Variants in KCNIP4 observed in about 807,000 individuals in gnomAD.
The protein encoded by KCNIP4 is Kv channel-interacting protein 4.
In KCNIP4, 12 loss-of-function variants were observed where a neutral mutation model predicts 34.0. That is an observed-to-expected ratio of 0.35 (90% CI 0.23 to 0.57). The LOEUF (loss-of-function observed/expected upper bound fraction) is 0.57, where lower values mean the gene tolerates loss of function less well. Among genes scored for constraint, KCNIP4 ranks in the 20% least tolerant of loss-of-function variants. The probability of loss-of-function intolerance (pLI) is 0.83; values close to 1 mark genes in which losing one functional copy is unlikely to be tolerated. For synonymous variants in KCNIP4, 124 were observed against 102.2 expected, an observed-to-expected ratio of 1.21 and a Z score of -1.29; for missense variants, 238 against 311.7, an observed-to-expected ratio of 0.76 and a Z score of 1.78.
At chr4:21,906,634 C>A (rs1728017297) in intron 1 of KCNIP4, among the ~76,000 whole-genome samples, 1 of 152,174 alleles carries the variant, frequency 6.6e-6, no homozygotes, top group Non-Finnish European at 1.5e-5. Context: ...GGTCCCAGGA[C>A]ATTAATACTC....
At chr4:20,956,414 AGAAT>A (rs1340105180) in intron 1 of KCNIP4, among the ~76,000 whole-genome samples, 4 of 151,936 alleles carry the variant, frequency 2.6e-5, no homozygotes, top group Non-Finnish European at 4.4e-5. Context: ...CTGAGGCAGG[AGAAT>A]GGCATAAACC....
intron 1 of KCNIP4, among the ~76,000 whole-genome samples, chr4:20,902,032 G>A (rs568884036): frequency 1.3e-5 from 2 of 152,160 alleles, no homozygotes; most frequent in African/African-American, 4.8e-5. Flanking sequence ...GTCATGATGA[G>A]CTTCCAGTGA....
chr4:21,366,043 T>G (rs1406553843), intron 1 of KCNIP4, among the ~76,000 whole-genome samples: 1 of 152,318 alleles, frequency 6.6e-6, no homozygotes, highest in Non-Finnish European at 1.5e-5. Flanking sequence ...GATCCTATCA[T>G]AGATAGTGTT....
In KCNIP4 at chr4:21,646,405, T is replaced by A. The variant is rs549217508; in HGVS notation, c.61+302166A>T. ...ATCCACCTCTTCATTAATGAGTCAA[T>A]ATTGTTGTCTTTGTTGGTATAAAGA... is the stretch of plus-strand genomic sequence containing the variant. On this transcript the variant is annotated intron_variant, in intron 1 of 8. Coordinates refer to ENST00000382152, the MANE Select transcript of KCNIP4 (RefSeq NM_025221.6). 2.6e-5 allele frequency among the ~76,000 whole-genome samples: 4 copies of A among 152,278 alleles called. No homozygotes were observed. The East Asian group carries it at 7.7e-4, about 29-fold the overall frequency.
chr4:20,997,639 C>T (rs1325082833), intron 1 of KCNIP4, among the ~76,000 whole-genome samples: 2 of 152,172 alleles, frequency 1.3e-5, no homozygotes, highest in Non-Finnish European at 2.9e-5. Context: ...GAGAGGGCTG[C>T]CCTTAGCATG....
chr4:21,766,066 G>C (rs1462213484), intron 1 of KCNIP4, among the ~76,000 whole-genome samples: 1 of 152,042 alleles, frequency 6.6e-6, no homozygotes, highest in African/African-American at 2.4e-5. Flanking sequence ...CCTGATTAAC[G>C]CTCTCTGAGT....
chr4:20,766,056 A>C (rs1468974102), intron 3 of KCNIP4, among the ~76,000 whole-genome samples: 1 of 152,176 alleles, frequency 6.6e-6, no homozygotes, highest in Non-Finnish European at 1.5e-5. Flanking sequence ...GACAATGATG[A>C]TACTGATGAT....
chr4:21,719,242 T>C (rs1364659716), intron 1 of KCNIP4, among the ~76,000 whole-genome samples: 1 of 152,060 alleles, frequency 6.6e-6, no homozygotes, highest in Non-Finnish European at 1.5e-5. Flanking sequence ...GAAACCTAAT[T>C]ATATCAGACA....
At chr4:21,622,600 C>T (rs1171351895) in intron 1 of KCNIP4, among the ~76,000 whole-genome samples, 1 of 152,002 alleles carries the variant, frequency 6.6e-6, no homozygotes, top group Admixed American at 6.6e-5. Flanking sequence ...TTATTTATAT[C>T]ACTGGAGCAT....
At chr4:21,663,921 CTT>C (rs1472748490) in intron 1 of KCNIP4, among the ~76,000 whole-genome samples, 1 of 152,108 alleles carries the variant, frequency 6.6e-6, no homozygotes, top group African/African-American at 2.4e-5. Flanking sequence ...AGAATTCAAA[CTT>C]AGGTTTTTTT....
chr4:21,354,459 C>T (rs142908841), intron 1 of KCNIP4, among the ~76,000 whole-genome samples: 7,591 of 151,664 alleles, frequency 0.05, 279 homozygotes, highest in Non-Finnish European at 0.078. Flanking sequence ...GGAAGACCTA[C>T]CAAGCAAATA....
chr4:21,824,858 T>C (rs138258186), intron 1 of KCNIP4, among the ~76,000 whole-genome samples: 2 of 152,202 alleles, frequency 1.3e-5, no homozygotes, highest in Non-Finnish European at 2.9e-5. Flanking sequence ...CAGCAAGATA[T>C]GTGAGAGCGA....
intron 1 of KCNIP4, among the ~76,000 whole-genome samples, chr4:21,104,123 T>G (rs1192657167): frequency 6.6e-6 from 1 of 152,052 alleles, no homozygotes; most frequent in Non-Finnish European, 1.5e-5. Context: ...CTGGGTCAAA[T>G]GGTATTTCTA....
intron 1 of KCNIP4, among the ~76,000 whole-genome samples, chr4:21,150,507 C>T (rs1031699836): frequency 1.3e-5 from 2 of 152,210 alleles, no homozygotes; most frequent in Non-Finnish European, 2.9e-5. Context: ...TAGTCAAAGA[C>T]ATTACCCCTG....
intron 1 of KCNIP4, among the ~76,000 whole-genome samples, chr4:21,015,533 ATATAT>A (rs1413282955): frequency 2.4e-5 from 3 of 122,652 alleles, no homozygotes; most frequent in South Asian, 2.6e-4. Context: ...ATAATATATA[ATATAT>A]TATATTATTA....
intron 1 of KCNIP4, among the ~76,000 whole-genome samples, chr4:21,769,721 C>T (rs531786250): frequency 2.0e-5 from 3 of 152,166 alleles, no homozygotes; most frequent in South Asian, 4.1e-4. Flanking sequence ...ATGACACTGA[C>T]GTGCAAAATA....
At chr4:21,540,025 G>A (rs561770982) in intron 1 of KCNIP4, among the ~76,000 whole-genome samples, 6 of 150,294 alleles carry the variant, frequency 4.0e-5, no homozygotes, top group Middle Eastern at 3.4e-3. Context: ...GAATTATTTT[G>A]TGCTTATTTA....
At chr4:21,107,116 G>C (rs1220714107) in intron 1 of KCNIP4, among the ~76,000 whole-genome samples, 72 of 146,502 alleles carry the variant, frequency 4.9e-4, no homozygotes, top group Non-Finnish European at 8.9e-5. Context: ...TATTAGGTCC[G>C]CTTGGTGCAG....
chr4:20,944,896 G>A (rs1165998664), intron 1 of KCNIP4, among the ~76,000 whole-genome samples: 1 of 152,122 alleles, frequency 6.6e-6, no homozygotes, highest in Non-Finnish European at 1.5e-5. Context: ...CCTCTCTTAG[G>A]TACAGTTAGA....
Sources: gnomAD v4.1 joint callset for allele counts (sites outside exome capture counted in the v4.1 genomes callset) on GRCh38, gnomAD v4.1.1 for gene constraint, MANE v1.5 for transcripts, NCBI Gene and HGNC (gene_info 2026-07-23, HGNC 2026-07-21) for gene names.